Variants in ALKBH5 observed in about 807,000 individuals in gnomAD.
The protein encoded by ALKBH5 is alkB homolog 5, RNA demethylase.
Under a neutral mutation model 32.1 loss-of-function variants are expected in ALKBH5, and 2 were observed. That is an observed-to-expected ratio of 0.06 (90% CI 0.03 to 0.20). The LOEUF (loss-of-function observed/expected upper bound fraction) is 0.20, where lower values mean the gene tolerates loss of function less well. Among genes scored for constraint, ALKBH5 ranks in the 10% least tolerant of loss-of-function variants. The pLI, the probability that ALKBH5 is intolerant of heterozygous loss-of-function variation, is 1.00. For synonymous variants in ALKBH5, 300 were observed against 231.7 expected (o/e 1.29, Z -2.68); for missense variants, 352 against 559.5 (o/e 0.63, Z 3.74).
rs747500812 is a variant in ALKBH5, at chr17:18,184,720, C to T, written c.477C>T (p.Gly159=). 1.2e-6 allele frequency: 2 copies of T among 1,613,300 alleles called. No homozygotes were observed. The highest frequency in any genetic ancestry group is 1.7e-5 in the Admixed American group (1 of 60,018). Residue 159 remains glycine (G), a synonymous_variant, in exon 1 of 4, where the codon GGC becomes GGT. Transcript: ENST00000399138. ...GPGQERLYPP[G]DVDEIPEWVH... is the part of the protein sequence containing the mutation. ...GCCAGGAGCGCCTCTACCCGCCGGGCGACGTGGACGAGATCCCCGAGTGGG... is the reference window on the plus strand; with the variant it reads ...GCCAGGAGCGCCTCTACCCGCCGGGTGACGTGGACGAGATCCCCGAGTGGG...
Position 18,209,537 on chromosome 17 carries a change from A to C in ALKBH5, c.*1141A>C, listed in dbSNP as rs1394087696. 6 of 152,238 alleles carry C rather than the reference A, an allele frequency of 3.9e-5. No homozygotes were observed. Among genetic ancestry groups the C allele is most frequent in the African/African-American group, 1.4e-4 (6 of 41,434 alleles). 9.4% of individuals were successfully genotyped at this position (152,238 alleles called of 1,614,324 possible). ...GCTTTCAAAAAATAATAAGGAAAAAAAGGTAAAGTCTTTGGTAGCTTCTAT... is the reference window on the plus strand; with the variant it reads ...GCTTTCAAAAAATAATAAGGAAAAACAGGTAAAGTCTTTGGTAGCTTCTAT... On this transcript the variant is annotated 3_prime_UTR_variant, in exon 4 of 4. Transcript: ENST00000399138.
chr17:18,184,384 C>A lies in ALKBH5; in HGVS notation c.141C>A (p.Ala47=), dbSNP rs747095824. ...CCGCCGCAGCCGCAGCCGCCGCTGCCGCCGAACCTTACCCTGTGTCCGGGG... is the reference window on the plus strand; with the variant it reads ...CCGCCGCAGCCGCAGCCGCCGCTGCAGCCGAACCTTACCCTGTGTCCGGGG... The part of the protein sequence containing the change: ...AVAAAAAAAA[A]AEPYPVSGAK... The change falls in exon 1 of 4, where the codon GCC becomes GCA. Residue 47 remains alanine (A), a synonymous_variant. Transcript: ENST00000399138. The A allele has an allele frequency of 2.6e-6, 4 of 1,530,660 alleles. No homozygotes were observed. In the Admixed American group the frequency reaches 8.7e-5, roughly 33 times the overall value. The allele number at this position is 1,530,660 out of a possible 1,614,324, so 94.8% of individuals were successfully genotyped here.
At position 18,206,875 on chromosome 17, in the gene ALKBH5, C is replaced by T. The variant is rs2047271736; in HGVS notation, c.912C>T (p.Pro304=). The T allele has an allele frequency of 6.2e-7, 1 of 1,614,118 alleles. No individual in the cohort carries two copies. Among genetic ancestry groups the T allele is most frequent in the Admixed American group, 1.7e-5 (1 of 60,004 alleles). ...CCCTGAGCAGCTCCGTGTTACCACC[C>T]AGCTATGCTTCAGATCGCCTGTCAG... The part of the protein sequence containing the change: ...TKSLSSSVLP[P]SYASDRLSGN... Residue 304 remains proline, a synonymous_variant, in exon 3 of 4, where the codon CCC becomes CCT. Transcript: ENST00000399138.
At chr17:18,191,331 A>G (rs1206518690) in intron 1 of ALKBH5, among the ~76,000 whole-genome samples, 1 of 152,176 alleles carries the variant, frequency 6.6e-6, no homozygotes, top group African/African-American at 2.4e-5. Flanking sequence ...ACCAGTACTA[A>G]TAAGCCTTCC....
At chr17:18,207,673 A>T (rs1394301859) in intron 3 of ALKBH5, among the ~76,000 whole-genome samples, 3 of 152,192 alleles carry the variant, frequency 2.0e-5, no homozygotes, top group Admixed American at 6.6e-5. Context: ...AAAAAAAAAA[A>T]AAATATTTTT....
chr17:18,207,223 C>G (rs907181653), intron 3 of ALKBH5, among the ~76,000 whole-genome samples: 2 of 152,194 alleles, frequency 1.3e-5, no homozygotes, highest in African/African-American at 4.8e-5. Context: ...CCATGACTTT[C>G]CTTGTTCAGT....
intron 1 of ALKBH5, among the ~76,000 whole-genome samples, chr17:18,194,303 A>G (rs59354912): frequency 0.24 from 36,000 of 151,710 alleles, 4,989 homozygotes; most frequent in African/African-American, 0.37. Context: ...ACAGGCGCCC[A>G]CCACCATGCC....
intron 2 of ALKBH5, among the ~76,000 whole-genome samples, chr17:18,200,112 AT>A (rs11393364): frequency 1.1e-3 from 147 of 135,538 alleles, no homozygotes; most frequent in Middle Eastern, 4.0e-3. Flanking sequence ...AAAAAAAAAA[AT>A]TTTTTTTTTT....
chr17:18,194,076 G>A (rs550768444), intron 1 of ALKBH5, among the ~76,000 whole-genome samples: 7 of 147,240 alleles, frequency 4.8e-5, no homozygotes, highest in African/African-American at 1.0e-4. Flanking sequence ...GTCTCTGAGC[G>A]GTTTTAAAAG....
At position 18,206,978 on chromosome 17, in the gene ALKBH5, G is replaced by T; in HGVS notation, c.1007+8G>T. The T allele has an allele frequency of 6.2e-7, 1 of 1,612,012 alleles. No individual in the cohort carries two copies. The highest frequency in any genetic ancestry group is 1.1e-5 in the South Asian group (1 of 90,996). ...CCCTGATGCTGCCCACAGGTACTCAGTTTAGGACCCTCAGCAAAGGCTGGC... is the reference window on the plus strand; with the variant it reads ...CCCTGATGCTGCCCACAGGTACTCATTTTAGGACCCTCAGCAAAGGCTGGC... On this transcript the variant is annotated splice_region_variant and intron_variant, in intron 3 of 3. Coordinates refer to ENST00000399138, the MANE Select transcript of ALKBH5 (RefSeq NM_017758.4).
intron 2 of ALKBH5, among the ~76,000 whole-genome samples, chr17:18,201,896 T>G (rs1220061127): frequency 6.6e-6 from 1 of 152,020 alleles, no homozygotes; most frequent in Non-Finnish European, 1.5e-5. Flanking sequence ...ATACCTATAG[T>G]CCGAGCTACT....
chr17:18,191,421 C>T (rs111690858), intron 1 of ALKBH5, among the ~76,000 whole-genome samples: 3,017 of 152,232 alleles, frequency 0.02, 52 homozygotes, highest in Non-Finnish European at 0.03. Flanking sequence ...GCCTGGGCTC[C>T]GTGGCAGGAA....
At chr17:18,202,958 C>G (rs1434656232) in intron 2 of ALKBH5, among the ~76,000 whole-genome samples, 1 of 151,562 alleles carries the variant, frequency 6.6e-6, no homozygotes, top group Non-Finnish European at 1.5e-5. Context: ...CCTGTAGTCC[C>G]AGCTACTCAT....
intron 3 of ALKBH5, 33 bp downstream of exon 3, chr17:18,207,003 C>T (rs756470110): frequency 6.2e-7 from 1 of 1,606,356 alleles, no homozygotes; most frequent in South Asian, 1.1e-5. Flanking sequence ...CAAAGGCTGG[C>T]AAAGGCCTGG....
chr17:18,203,180 A>G (rs1372396760), intron 2 of ALKBH5, among the ~76,000 whole-genome samples: 3 of 152,002 alleles, frequency 2.0e-5, no homozygotes, highest in African/African-American at 7.2e-5. Flanking sequence ...TTGGCCTCCC[A>G]AAGTGCTGGG....
At chr17:18,191,949 T>A (rs1222677888) in intron 1 of ALKBH5, among the ~76,000 whole-genome samples, 41 of 140,750 alleles carry the variant, frequency 2.9e-4, no homozygotes, top group African/African-American at 8.5e-4. Context: ...ACTCTGTCTT[T>A]AAAAAAAAAA....
chr17:18,190,550 G>GAAAAA (rs11316080), intron 1 of ALKBH5, among the ~76,000 whole-genome samples: 1 of 121,894 alleles, frequency 8.2e-6, no homozygotes, highest in African/African-American at 3.2e-5. Flanking sequence ...CTCTGTTTCC[G>GAAAAA]AAAAAAAAAA....
rs2142464739 is a variant in ALKBH5, at chr17:18,184,329, A to G, written c.86A>G (p.Glu29Gly). ...SRDNYKAGSR[E>G]AAAAAAAAVA... The stretch of plus-strand genomic sequence containing the variant: ...GACAACTATAAGGCGGGCAGCCGGG[A>G]GGCCGCCGCCGCTGCCGCAGCCGCC... Residue 29 changes from glutamate (E) to glycine (G), a missense_variant, in exon 1 of 4, where the codon GAG becomes GGG. By Grantham distance (98) the Glu-to-Gly change is moderately conservative (BLOSUM62 -2). Coordinates refer to ENST00000399138, the MANE Select transcript of ALKBH5 (RefSeq NM_017758.4). 1 of 1,512,280 alleles carries G rather than the reference A, an allele frequency of 6.6e-7. No individual in the cohort carries two copies. The highest frequency in any genetic ancestry group is 8.8e-7 in the Non-Finnish European group (1 of 1,134,254). The allele number at this position is 1,512,280 out of a possible 1,614,324, so 93.7% of individuals were successfully genotyped here. A position where few individuals can be genotyped will look rare whatever the true frequency, so the allele number is the denominator to read the frequency against.
At chr17:18,191,089 C>G (rs2047171668) in intron 1 of ALKBH5, among the ~76,000 whole-genome samples, 1 of 152,198 alleles carries the variant, frequency 6.6e-6, no homozygotes, top group Admixed American at 6.5e-5. Context: ...GGGCTGGACC[C>G]AAGGGCATAT....
Sources: allele counts gnomAD v4.1 joint callset (sites outside exome capture counted in the v4.1 genomes callset), GRCh38; gene constraint gnomAD v4.1.1; transcripts MANE v1.5; gene names NCBI Gene and HGNC (gene_info 2026-07-23, HGNC 2026-07-21).